The following GPC5 variants were observed in gnomAD, a reference collection of about 807,000 sequenced individuals.
GPC5 encodes the protein glypican 5, also known as glypican-5.
Under a neutral mutation model 53.9 loss-of-function variants are expected in GPC5, and 47 were observed. The ratio of observed to expected loss-of-function variants is 0.87; its 90% CI spans 0.69 to 1.11. The LOEUF (loss-of-function observed/expected upper bound fraction) is 1.11. Ranked by LOEUF, GPC5 falls within the 50% of genes most tolerant of loss-of-function variation. The pLI, the probability that GPC5 is intolerant of heterozygous loss-of-function variation, is 0.00. For synonymous variants in GPC5, 286 were observed against 263.3 expected (o/e 1.09, Z -0.84); for missense variants, 748 against 713.1 (o/e 1.05, Z -0.56).
intron 5 of GPC5, among the ~76,000 whole-genome samples, chr13:91,810,749 A>G (rs1344114692): frequency 3.3e-5 from 5 of 151,938 alleles, no homozygotes; most frequent in Non-Finnish European, 7.4e-5. Flanking sequence ...TCATTACTTT[A>G]GTTGTACAAT....
At chr13:92,542,432 C>T (rs1594290431) in intron 7 of GPC5, among the ~76,000 whole-genome samples, 4 of 152,092 alleles carry the variant, frequency 2.6e-5, no homozygotes, top group Admixed American at 2.6e-4. Context: ...TGAGTGATAA[C>T]ATGTAGTATT....
At position 92,828,493 on chromosome 13, in the gene GPC5, G is replaced by A. The variant is rs35226443; in HGVS notation, c.1562-37789G>A. ...CAATTATATGCAAAACATCTGGCTG[G>A]CTGGCTATATTTCGCACTTGTTCAC... On this transcript the variant is annotated intron_variant, in intron 7 of 7. Transcript: ENST00000377067. Among the ~76,000 whole-genome samples, 3,858 of 152,054 alleles carry A rather than the reference G, an allele frequency of 0.025. 382 individuals are homozygous for A. The East Asian group carries it at 0.32, about 13-fold the overall frequency.
At chr13:92,322,907 G>C (rs527685120) in intron 7 of GPC5, among the ~76,000 whole-genome samples, 1 of 152,164 alleles carries the variant, frequency 6.6e-6, no homozygotes, top group African/African-American at 2.4e-5. Flanking sequence ...AGGAAAAGGG[G>C]AGTGCAGTCA....
intron 2 of GPC5, among the ~76,000 whole-genome samples, chr13:91,669,521 C>G (rs1361783823): frequency 6.6e-6 from 1 of 152,112 alleles, no homozygotes; most frequent in East Asian, 1.9e-4. Flanking sequence ...CTCCAATGAC[C>G]TTCTAAGAGA....
chr13:91,570,675 A>G, intron 2 of GPC5, among the ~76,000 whole-genome samples: 1 of 152,182 alleles, frequency 6.6e-6, no homozygotes, highest in Admixed American at 6.6e-5. Flanking sequence ...TTTGAATCTC[A>G]GAATCCAAGT....
intron 7 of GPC5, among the ~76,000 whole-genome samples, chr13:92,790,329 G>C (rs1333342687): frequency 6.6e-6 from 1 of 152,138 alleles, no homozygotes; most frequent in East Asian, 1.9e-4. Flanking sequence ...GGAGTCAAAA[G>C]AAGAGATAAT....
At chr13:92,185,984 A>T (rs1043216964) in intron 7 of GPC5, among the ~76,000 whole-genome samples, 18 of 152,308 alleles carry the variant, frequency 1.2e-4, no homozygotes, top group African/African-American at 4.3e-4. Flanking sequence ...GATAAAATGT[A>T]ATAACAGCTT....
intron 5 of GPC5, among the ~76,000 whole-genome samples, chr13:91,844,367 T>C (rs1447834404): frequency 6.6e-6 from 1 of 152,200 alleles, no homozygotes; most frequent in Non-Finnish European, 1.5e-5. Context: ...ATGTGTGCTC[T>C]CTGCGGAAAC....
intron 7 of GPC5, among the ~76,000 whole-genome samples, chr13:92,704,378 GA>G (rs1371330428): frequency 1.1e-4 from 17 of 151,920 alleles, no homozygotes; most frequent in African/African-American, 3.6e-4. Context: ...TACTAATGCA[GA>G]ATAAAGTTTT....
intron 7 of GPC5, among the ~76,000 whole-genome samples, chr13:92,564,871 A>G (rs1408571777): frequency 3.3e-5 from 5 of 152,108 alleles, no homozygotes; most frequent in African/African-American, 1.2e-4. Context: ...GAGTTGGTTT[A>G]AATCCAAATA....
intron 7 of GPC5, among the ~76,000 whole-genome samples, chr13:92,714,670 T>C (rs1888265685): frequency 6.6e-6 from 1 of 152,228 alleles, no homozygotes; most frequent in African/African-American, 2.4e-5. Flanking sequence ...ATTGTGATAG[T>C]AAGAGGCAGT....
At position 91,781,330 on chromosome 13, in the gene GPC5, C is replaced by A. The variant is rs186894387; in HGVS notation, c.1280+24910C>A. Among the ~76,000 whole-genome samples, 27 of 152,338 alleles carry A rather than the reference C, an allele frequency of 1.8e-4. 1 individual carries two copies. Among genetic ancestry groups the A allele is most frequent in the Admixed American group, 6.5e-4 (10 of 15,302 alleles). ...TTAACTCAACAAAACACATGCTATACTTACGATAGTGCGTATGCTGTACTG... is the reference window on the plus strand; with the variant it reads ...TTAACTCAACAAAACACATGCTATAATTACGATAGTGCGTATGCTGTACTG... On this transcript the variant is annotated intron_variant, in intron 5 of 7. Coordinates refer to ENST00000377067, the MANE Select transcript of GPC5 (RefSeq NM_004466.6).
intron 7 of GPC5, among the ~76,000 whole-genome samples, chr13:92,582,641 C>A (rs1373344871): frequency 1.3e-5 from 2 of 152,014 alleles, no homozygotes; most frequent in South Asian, 4.1e-4. Context: ...CATGAGATAT[C>A]TTTTCATTTA....
intron 6 of GPC5, among the ~76,000 whole-genome samples, chr13:92,066,380 A>G (rs971974440): frequency 6.6e-6 from 1 of 151,708 alleles, no homozygotes; most frequent in Non-Finnish European, 1.5e-5. Flanking sequence ...TTAGGAAAGG[A>G]AGTAGATGAT....
chr13:92,304,236 T>A (rs1251565926), intron 7 of GPC5, among the ~76,000 whole-genome samples: 1 of 151,336 alleles, frequency 6.6e-6, no homozygotes, highest in Admixed American at 6.6e-5. Context: ...ACAGAGTCTC[T>A]CTCTGTCCCC....
At chr13:91,497,243 A>G (rs1048168751) in intron 2 of GPC5, among the ~76,000 whole-genome samples, 6 of 152,084 alleles carry the variant, frequency 3.9e-5, no homozygotes, top group Admixed American at 6.5e-5. Context: ...CTTGATTTAA[A>G]CCTTTCTGTA....
At chr13:91,886,690 GGCTCCATGCAA>G (rs2039326110) in intron 5 of GPC5, among the ~76,000 whole-genome samples, 2 of 152,206 alleles carry the variant, frequency 1.3e-5, no homozygotes, top group Admixed American at 1.3e-4. Flanking sequence ...AGGGGCTACA[GGCTCCATGCAA>G]GTCTGAAATC....
intron 6 of GPC5, among the ~76,000 whole-genome samples, chr13:92,010,209 T>C (rs1261195127): frequency 6.6e-6 from 1 of 152,214 alleles, no homozygotes; most frequent in Non-Finnish European, 1.5e-5. Flanking sequence ...TCAATACGTT[T>C]ATCAGCACTT....
At chr13:91,746,837 TA>T (rs2037060819) in intron 4 of GPC5, among the ~76,000 whole-genome samples, 1 of 152,208 alleles carries the variant, frequency 6.6e-6, no homozygotes, top group Non-Finnish European at 1.5e-5. Flanking sequence ...CTCTATTTAT[TA>T]ACCTGAAAGG....
Sources: gnomAD v4.1 joint callset for allele counts (sites outside exome capture counted in the v4.1 genomes callset) on GRCh38, gnomAD v4.1.1 for gene constraint, MANE v1.5 for transcripts, NCBI Gene and HGNC (gene_info 2026-07-23, HGNC 2026-07-21) for gene names.